The following CDK5RAP3 variants were observed in gnomAD, a reference collection of about 807,000 sequenced individuals.
CDK5RAP3 encodes the protein CDK5 regulatory subunit-associated protein 3.
CDK5RAP3 carries 58 observed loss-of-function variants against 73.3 expected under a neutral mutation model. That is an observed-to-expected ratio of 0.79 (90% CI 0.64 to 0.98). The LOEUF (loss-of-function observed/expected upper bound fraction) is 0.98. Among genes scored for constraint, CDK5RAP3 ranks in the 50% least tolerant of loss-of-function variants. CDK5RAP3 has a pLI of 0.00. For synonymous variants in CDK5RAP3, 224 were observed against 247.5 expected (o/e 0.91, Z 0.89); for missense variants, 525 against 615.8 (o/e 0.85, Z 1.56).
chr17:47,969,011 T>C (rs16949875), upstream of CDK5RAP3, among the ~76,000 whole-genome samples: 1,447 of 152,272 alleles, frequency 9.5e-3, 66 homozygotes, highest in East Asian at 0.085. Flanking sequence ...CCACAGTATG[T>C]TGTAAACTGT....
At chr17:47,978,463 G>T (rs1266277603) in intron 10 of CDK5RAP3, 2 of 237,068 alleles carry the variant, frequency 8.4e-6, no homozygotes, top group Non-Finnish European at 1.7e-5. Flanking sequence ...GCTCTAGGGG[G>T]ATCGGGGCCC....
intron 11 of CDK5RAP3, 110 bp from the exon 12 acceptor site, chr17:47,980,483 T>A (rs1598231291): frequency 3.3e-6 from 3 of 917,282 alleles, no homozygotes; most frequent in Non-Finnish European, 3.6e-6. Flanking sequence ...CCCAGGCTGG[T>A]CTTGAACTCC....
chr17:47,977,050 T>G (rs2036432836), intron 9 of CDK5RAP3, among the ~76,000 whole-genome samples: 1 of 152,182 alleles, frequency 6.6e-6, no homozygotes, highest in African/African-American at 2.4e-5. Flanking sequence ...CTCGGCTCAC[T>G]GCAACTTCCG....
At position 47,980,574 on chromosome 17, in the gene CDK5RAP3, A is replaced by G. The variant is rs1555567634; in HGVS notation, c.1078-19A>G. 1.9e-6 allele frequency: 3 copies of G among 1,610,978 alleles called. No individual in the cohort carries two copies. Among genetic ancestry groups the G allele is most frequent in the Non-Finnish European group, 2.5e-6 (3 of 1,178,840 alleles). ...GAGCCATCATGTACAGCCTGAACCA[A>G]TCTTTCTTCTGTCCTCAGCTTGAGA... On this transcript the variant is annotated intron_variant, in intron 11 of 13. Coordinates refer to ENST00000338399, the MANE Select transcript of CDK5RAP3 (RefSeq NM_176096.3).
intron 8 of CDK5RAP3, 155 bp from the exon 9 acceptor site, chr17:47,976,557 T>G (rs1393603738): frequency 1.8e-6 from 1 of 554,836 alleles, no homozygotes; most frequent in Non-Finnish European, 3.3e-6. Context: ...AGGGACAGGA[T>G]TTTGCCATAT....
intron 5 of CDK5RAP3, 56 bp downstream of exon 5, chr17:47,974,504 T>A (rs774456631): frequency 1.1e-5 from 17 of 1,613,386 alleles, no homozygotes; most frequent in Non-Finnish European, 1.4e-5. Context: ...ACTCTCAGAG[T>A]TCTGAGATAC....
Position 47,975,997 on chromosome 17 carries a change from A to C in CDK5RAP3, c.782A>C (p.Gln261Pro). The C allele has an allele frequency of 6.2e-7, 1 of 1,614,060 alleles. No individual in the cohort carries two copies. The highest frequency in any genetic ancestry group is 8.5e-7 in the Non-Finnish European group (1 of 1,180,022). ...CCCCACCTCGAGGAGCTTCCTGAGC[A>C]GGTGGCAGAAGATGCGGTAAGATGG... is the stretch of plus-strand genomic sequence containing the variant. ...ERPHLEELPE[Q>P]VAEDAIDWGD... Residue 261 changes from glutamine to proline, a missense_variant, in exon 8 of 14, where the codon CAG (glutamine) becomes CCG (proline). Physicochemically the swap from Gln to Pro is moderately conservative, Grantham distance 76. Coordinates refer to ENST00000338399, the MANE Select transcript of CDK5RAP3 (RefSeq NM_176096.3).
At chr17:47,974,958 T>C in intron 5 of CDK5RAP3, 5 of 1,442,270 alleles carry the variant, frequency 3.5e-6, no homozygotes, top group Non-Finnish European at 4.6e-6. Flanking sequence ...ATCTTCATGA[T>C]AAATGTTATT....
chr17:47,968,097 T>C (rs902905757), upstream of CDK5RAP3, among the ~76,000 whole-genome samples: 91 of 152,096 alleles, frequency 6.0e-4, 1 homozygote, highest in African/African-American at 2.1e-3. Context: ...TGCCTTGCTC[T>C]TGAGATGTCC....
At chr17:47,973,846 A>G in intron 3 of CDK5RAP3, 85 bp from the exon 4 acceptor site, 1 of 1,218,242 alleles carries the variant, frequency 8.2e-7, no homozygotes, top group Non-Finnish European at 1.2e-6. Flanking sequence ...CTGGCAGTAT[A>G]TTATACATGA....
chr17:47,981,095 C>T (rs2036541994), intron 12 of CDK5RAP3, 68 bp from the exon 13 acceptor site: 2 of 1,522,978 alleles, frequency 1.3e-6, no homozygotes, highest in Non-Finnish European at 1.8e-6. Context: ...CTCTCACCTC[C>T]CCAGCAGCTG....
Position 47,978,020 on chromosome 17 carries a change from T to C in CDK5RAP3, c.988+110T>C. 6.8e-6 allele frequency: 5 copies of C among 737,036 alleles called. No individual in the cohort carries two copies. The South Asian group carries it at 9.0e-5, about 13-fold the overall frequency. The allele number at this position is 737,036 out of a possible 1,614,324, so 45.7% of individuals were successfully genotyped here. On this transcript the variant is annotated intron_variant, in intron 10 of 13. Transcript: ENST00000338399. ...AGATGAGGCTTCTTGCACATTTAACTGTTTCTCAAAACCTTGATGAGGATG... is the reference window on the plus strand; with the variant it reads ...AGATGAGGCTTCTTGCACATTTAACCGTTTCTCAAAACCTTGATGAGGATG...
rs541855020 is a variant in CDK5RAP3 at position 47,974,983 on chromosome 17, G to A, written c.335-176G>A. On this transcript the variant is annotated intron_variant, in intron 5 of 13. Transcript: ENST00000338399. ...TAAATGTTATTGTCGCTGTTTTACCGATGAGGGTTGGATTAGAGGGGTTAA... is the reference window on the plus strand; with the variant it reads ...TAAATGTTATTGTCGCTGTTTTACCAATGAGGGTTGGATTAGAGGGGTTAA... 5.2e-5 allele frequency: 78 copies of A among 1,487,852 alleles called. No homozygotes were observed. In the East Asian group the frequency reaches 8.3e-4, roughly 16 times the overall value. 92.2% of individuals were successfully genotyped at this position (1,487,852 alleles called of 1,614,324 possible). A position where few individuals can be genotyped will look rare whatever the true frequency, so the allele number is the denominator to read the frequency against.
intron 5 of CDK5RAP3, 130 bp from the exon 6 acceptor site, chr17:47,975,029 C>T: frequency 6.3e-7 from 1 of 1,597,616 alleles, no homozygotes; most frequent in Admixed American, 1.7e-5. Flanking sequence ...TTAGGCTCCA[C>T]AGCTGGGAAC....
chr17:47,971,299 G>A (rs1406157173), intron 1 of CDK5RAP3, 63 bp from the exon 2 acceptor site: 1 of 1,568,170 alleles, frequency 6.4e-7, no homozygotes, highest in Non-Finnish European at 8.7e-7. Flanking sequence ...GTTGAAATGA[G>A]CGCGCGAGTG....
Position 47,981,721 on chromosome 17 carries a change from G to T in CDK5RAP3, c.*219G>T. 9 of 1,528,484 alleles carry T rather than the reference G, an allele frequency of 5.9e-6. No homozygotes were observed. Among genetic ancestry groups the T allele is most frequent in the Non-Finnish European group, 7.0e-6 (8 of 1,142,002 alleles). The allele number at this position is 1,528,484 out of a possible 1,614,324, so 94.7% of individuals were successfully genotyped here. On this transcript the variant is annotated 3_prime_UTR_variant, in exon 14 of 14. Transcript: ENST00000338399. The stretch of plus-strand genomic sequence containing the variant: ...TGTGGTCTATCAGGCGAAAACCACA[G>T]ATTCTCCTTCTAGTTAGTATAGCGG...
Position 47,975,829 on chromosome 17 carries a change from G to C in CDK5RAP3, c.654-40G>C, listed in dbSNP as rs374213734. 4 of 1,612,838 alleles carry C rather than the reference G, an allele frequency of 2.5e-6. No homozygotes were observed. In the South Asian group the frequency reaches 3.3e-5, roughly 13 times the overall value. On this transcript the variant is annotated intron_variant, in intron 7 of 13. Transcript: ENST00000338399. ...GGCCAAAGCCCAGTGTTGGCCTTAC[G>C]CATGGTCGGCAGGAGAGTCAGTTGT...
chr17:47,970,956 AT>A (rs2144206681), upstream of CDK5RAP3: 2 of 1,456,096 alleles, frequency 1.4e-6, no homozygotes, highest in East Asian at 5.0e-5. Context: ...GAGCTCAGCC[AT>A]TCGGAGCCTG....
Position 47,971,231 on chromosome 17 carries a change from G to A in CDK5RAP3, c.6+79G>A, listed in dbSNP as rs1207647303. On this transcript the variant is annotated intron_variant, in intron 1 of 13. Coordinates refer to ENST00000338399, the MANE Select transcript of CDK5RAP3 (RefSeq NM_176096.3). ...TGTCTCCGGTCTCCCTCCGGAAGCG[G>A]CTCAACCCAGCCCATCGCTCTGGCC... The A allele has an allele frequency of 3.3e-6, 5 of 1,529,310 alleles. No individual in the cohort carries two copies. The Admixed American group carries it at 8.0e-5, about 24-fold the overall frequency. 94.7% of individuals were successfully genotyped at this position (1,529,310 alleles called of 1,614,324 possible).
Sources: gnomAD v4.1 joint callset for allele counts (sites outside exome capture counted in the v4.1 genomes callset) on GRCh38, gnomAD v4.1.1 for gene constraint, MANE v1.5 for transcripts, NCBI Gene and HGNC (gene_info 2026-07-23, HGNC 2026-07-21) for gene names.